Variants in ASPH observed in about 807,000 individuals in gnomAD.
ASPH encodes aspartate beta-hydroxylase, also known as aspartyl/asparaginyl beta-hydroxylase.
ASPH carries 100 observed loss-of-function variants against 118.4 expected under a neutral mutation model. The ratio of observed to expected loss-of-function variants is 0.84; its 90% confidence interval spans 0.72 to 1.00. The LOEUF (loss-of-function observed/expected upper bound fraction) is 1.00, where lower values mean the gene tolerates loss of function less well. Ranked by LOEUF, ASPH falls within the 50% of genes least tolerant of loss-of-function variation. The pLI is 0.00. For synonymous variants in ASPH, 315 were observed against 325.6 expected, an observed-to-expected ratio of 0.97 and a Z score of 0.35; for missense variants, 920 against 919.5, an observed-to-expected ratio of 1.00 and a Z score of -0.01.
chr8:61,518,061 G>A lies in ASPH; in HGVS notation c.1963C>T (p.Pro655Ser). ...CCTCTTCTGCATCCTGTTGTCTCGGGGAACTTTTCTAGTAAGGTACAGGTT... is the reference window on the plus strand; with the variant it reads ...CCTCTTCTGCATCCTGTTGTCTCGGAGAACTTTTCTAGTAAGGTACAGGTT... Reference protein sequence around the residue: ...PKTCTLLEKFPETTGCRRGQI... With the variant: ...PKTCTLLEKFSETTGCRRGQI... The change falls in exon 23 of 25, where the codon CCC becomes TCC. Residue 655 changes from proline to serine, a missense_variant. Coordinates refer to ENST00000379454, the MANE Select transcript of ASPH (RefSeq NM_004318.4). 1 of 1,613,770 alleles carries A rather than the reference G, an allele frequency of 6.2e-7. No homozygotes were observed. The highest frequency in any genetic ancestry group is 8.5e-7 in the Non-Finnish European group (1 of 1,179,852).
At chr8:61,572,968 G>A (rs945237260) in intron 16 of ASPH, among the ~76,000 whole-genome samples, 2 of 152,100 alleles carry the variant, frequency 1.3e-5, no homozygotes, top group African/African-American at 4.8e-5. Context: ...AAACCCCATC[G>A]TCTCACCCCT....
intron 22 of ASPH, among the ~76,000 whole-genome samples, chr8:61,524,374 AC>A (rs1814413795): frequency 6.6e-6 from 1 of 152,218 alleles, no homozygotes; most frequent in African/African-American, 2.4e-5. Flanking sequence ...ATAAAACAAA[AC>A]AAAAAAGAAC....
At position 61,633,881 on chromosome 8, in the gene ASPH, C is replaced by T. The variant is rs73267238; in HGVS notation, c.890-154G>A. Among the ~76,000 whole-genome samples the T allele has an allele frequency of 5.6e-3, 849 of 152,282 alleles. 8 individuals are homozygous for T. Among genetic ancestry groups the T allele is most frequent in the African/African-American group, 0.019 (810 of 41,564 alleles). ...AAAACATTAGGCTTCTATACCCTCACAACAAAGAATGATCAGCTACAACTT... is the reference window on the plus strand; with the variant it reads ...AAAACATTAGGCTTCTATACCCTCATAACAAAGAATGATCAGCTACAACTT... On this transcript the variant is annotated intron_variant, in intron 12 of 24. Transcript: ENST00000379454.
At chr8:61,554,443 A>C (rs555050941) in intron 19 of ASPH, among the ~76,000 whole-genome samples, 1 of 152,384 alleles carries the variant, frequency 6.6e-6, no homozygotes, top group Non-Finnish European at 1.5e-5. Context: ...GTCATGTGAA[A>C]GAAAGAGATC....
chr8:61,568,868 T>C (rs1290338367), intron 16 of ASPH, among the ~76,000 whole-genome samples: 1 of 151,986 alleles, frequency 6.6e-6, no homozygotes, highest in Non-Finnish European at 1.5e-5. Context: ...AGTTTCACTG[T>C]AAAGGGGAGC....
chr8:61,624,866 T>C (rs1295265362), intron 13 of ASPH: 1 of 985,682 alleles, frequency 1.0e-6, no homozygotes, highest in Non-Finnish European at 1.2e-6. Flanking sequence ...GTATCATCTC[T>C]GTATCACCGA....
intron 21 of ASPH, among the ~76,000 whole-genome samples, chr8:61,540,681 A>T (rs1821522802): frequency 6.6e-6 from 1 of 152,228 alleles, no homozygotes; most frequent in African/African-American, 2.4e-5. Flanking sequence ...GGGCATACAG[A>T]AATTCAACCA....
At chr8:61,642,073 A>G (rs925620491) in intron 10 of ASPH, among the ~76,000 whole-genome samples, 2 of 152,216 alleles carry the variant, frequency 1.3e-5, no homozygotes, top group African/African-American at 2.4e-5. Context: ...TAGTCTATGC[A>G]ATGCTTGGAC....
intron 1 of ASPH, among the ~76,000 whole-genome samples, chr8:61,694,438 T>C (rs900125451): frequency 1.3e-5 from 2 of 152,176 alleles, no homozygotes; most frequent in Non-Finnish European, 2.9e-5. Flanking sequence ...GGCTTCCATC[T>C]GGTTTCTGCA....
intron 14 of ASPH, among the ~76,000 whole-genome samples, chr8:61,602,101 T>C (rs1844163512): frequency 6.6e-6 from 1 of 151,322 alleles, no homozygotes; most frequent in Non-Finnish European, 1.5e-5. Flanking sequence ...CCCAACTCCT[T>C]CTGTGGGGTC....
chr8:61,600,343 T>TGGGCGTGGTG lies in ASPH; in HGVS notation c.977-16315_977-16314insCACCACGCCC, dbSNP rs1843631959. 5.8e-4 allele frequency among the ~76,000 whole-genome samples: 88 copies of TGGGCGTGGTG among 151,798 alleles called. 1 individual carries two copies. The highest frequency in any genetic ancestry group is 2.0e-3 in the African/African-American group (82 of 41,080). ...ATAAGAAAAAGGTGTTTACTTTCAC[T>TGGGCGTGGTG]GCTCTTGTTTAACATAGTATTGGAG... On this transcript the variant is annotated intron_variant, in intron 14 of 24. Transcript: ENST00000379454.
chr8:61,704,559 G>C (rs959294579), intron 1 of ASPH, among the ~76,000 whole-genome samples: 4 of 151,966 alleles, frequency 2.6e-5, no homozygotes, highest in African/African-American at 9.7e-5. Flanking sequence ...AAAAAGGTAA[G>C]TTATAGACTG....
At chr8:61,610,304 T>C (rs889169361) in intron 14 of ASPH, among the ~76,000 whole-genome samples, 2 of 152,202 alleles carry the variant, frequency 1.3e-5, no homozygotes, top group African/African-American at 4.8e-5. Context: ...TGTACTACAC[T>C]ATGGTTAGAA....
intron 3 of ASPH, among the ~76,000 whole-genome samples, chr8:61,674,365 C>T (rs1254941499): frequency 6.6e-6 from 1 of 152,226 alleles, no homozygotes; most frequent in African/African-American, 2.4e-5. Flanking sequence ...GCAGAACATG[C>T]TACTAAGTGA....
At chr8:61,561,156 C>A (rs1829850587) in intron 18 of ASPH, among the ~76,000 whole-genome samples, 4 of 138,326 alleles carry the variant, frequency 2.9e-5, no homozygotes, top group African/African-American at 5.8e-5. Context: ...GTTAGGAATT[C>A]TACAAGTTCC....
At chr8:61,694,882 T>C (rs1436000908) in intron 1 of ASPH, among the ~76,000 whole-genome samples, 1 of 152,174 alleles carries the variant, frequency 6.6e-6, no homozygotes, top group African/African-American at 2.4e-5. Flanking sequence ...TCCTGTTCAG[T>C]GTCCTAAATC....
chr8:61,714,425 G>T lies in ASPH; in HGVS notation c.-54C>A. ...TGGCGGACCTCCTTCAGTGCGCGGGGGTACACACGCGACGCGGGAACCGCT... is the reference window on the plus strand; with the variant it reads ...TGGCGGACCTCCTTCAGTGCGCGGGTGTACACACGCGACGCGGGAACCGCT... On this transcript the variant is annotated 5_prime_UTR_variant, in exon 1 of 25. Coordinates refer to ENST00000379454, the MANE Select transcript of ASPH (RefSeq NM_004318.4). 7.2e-7 allele frequency: 1 copy of T among 1,380,642 alleles called. No individual in the cohort carries two copies. Among genetic ancestry groups the T allele is most frequent in the Non-Finnish European group, 9.4e-7 (1 of 1,064,872 alleles). 85.5% of individuals were successfully genotyped at this position (1,380,642 alleles called of 1,614,324 possible). A position where few individuals can be genotyped will look rare whatever the true frequency, so the allele number is the denominator to read the frequency against.
intron 13 of ASPH, among the ~76,000 whole-genome samples, chr8:61,632,350 A>T (rs1474468935): frequency 6.6e-6 from 1 of 152,200 alleles, no homozygotes; most frequent in Non-Finnish European, 1.5e-5. Flanking sequence ...CTAGAAATAT[A>T]TTAATTTGTA....
At chr8:61,697,716 T>C (rs1223975058) in intron 1 of ASPH, among the ~76,000 whole-genome samples, 4 of 152,226 alleles carry the variant, frequency 2.6e-5, no homozygotes, top group Non-Finnish European at 5.9e-5. Flanking sequence ...AAGAGATGCA[T>C]AGGGCAAGGT....
Sources: gnomAD v4.1 joint callset for allele counts (sites outside exome capture counted in the v4.1 genomes callset) on GRCh38, gnomAD v4.1.1 for gene constraint, MANE v1.5 for transcripts, NCBI Gene and HGNC (gene_info 2026-07-23, HGNC 2026-07-21) for gene names.